Variants in STX3 observed in about 807,000 individuals in gnomAD.
The protein encoded by STX3 is syntaxin-3.
Under a neutral mutation model 40.2 loss-of-function variants are expected in STX3, and 19 were observed. The observed-to-expected ratio is 0.47, with a 90% confidence interval of 0.33 to 0.69. The LOEUF (loss-of-function observed/expected upper bound fraction) is 0.69. Among genes scored for constraint, STX3 ranks in the 30% least tolerant of loss-of-function variants. STX3 has a pLI of 0.02. For synonymous variants in STX3, 122 were observed against 132.2 expected, an observed-to-expected ratio of 0.92 and a Z score of 0.53; for missense variants, 364 against 366.7, an observed-to-expected ratio of 0.99 and a Z score of 0.06.
chr11:59,763,462 T>G (rs1863138257), intron 1 of STX3, among the ~76,000 whole-genome samples: 1 of 152,200 alleles, frequency 6.6e-6, no homozygotes, highest in East Asian at 1.9e-4. Flanking sequence ...TGGACTTCAA[T>G]GATTTTTGTA....
At chr11:59,755,744 C>T in intron 1 of STX3, 109 bp downstream of exon 1, 6 of 1,385,388 alleles carry the variant, frequency 4.3e-6, no homozygotes, top group South Asian at 2.9e-5. Context: ...CGGAGGCTTG[C>T]CCTCCCCAAG....
intron 4 of STX3, among the ~76,000 whole-genome samples, chr11:59,789,824 C>T (rs2927187): frequency 6.6e-6 from 1 of 152,072 alleles, no homozygotes; most frequent in Non-Finnish European, 1.5e-5. Context: ...TCTTGGTGGG[C>T]TAGGCATACC....
At chr11:59,762,479 CA>C (rs1863085670) in intron 1 of STX3, among the ~76,000 whole-genome samples, 1 of 152,252 alleles carries the variant, frequency 6.6e-6, no homozygotes, top group Non-Finnish European at 1.5e-5. Context: ...GAAGGATCCT[CA>C]CTCAGCACAT....
rs973472551 is a variant in STX3 at position 59,801,361 on chromosome 11, A to G, written c.*537A>G. On this transcript the variant is annotated 3_prime_UTR_variant, in exon 11 of 11. Transcript: ENST00000337979. ...TCCGTATGTCCTGAAAACATGAGGG[A>G]CTGGCAGATGTCATTTTGGTCTAAA... The G allele has an allele frequency of 9.1e-6, 9 of 988,918 alleles. No individual in the cohort carries two copies. Among genetic ancestry groups the G allele is most frequent in the African/African-American group, 1.7e-5 (1 of 57,420 alleles). The allele number at this position is 988,918 out of a possible 1,614,324, so 61.3% of individuals were successfully genotyped here. A position where few individuals can be genotyped will look rare whatever the true frequency, so the allele number is the denominator to read the frequency against.
At chr11:59,780,714 G>A (rs528525) in intron 2 of STX3, among the ~76,000 whole-genome samples, 3 of 151,934 alleles carry the variant, frequency 2.0e-5, no homozygotes, top group Non-Finnish European at 4.4e-5. Flanking sequence ...CTTCTCTTTC[G>A]CTCTGACCTG....
chr11:59,756,593 C>T (rs1777441057), intron 1 of STX3, among the ~76,000 whole-genome samples: 1 of 152,108 alleles, frequency 6.6e-6, no homozygotes, highest in South Asian at 2.1e-4. Flanking sequence ...AGTCTAGCCC[C>T]GCAGAATCAG....
rs369185553 is a variant in STX3, at chr11:59,793,525, G to A, written c.675+11G>A. On this transcript the variant is annotated intron_variant, in intron 8 of 10. Transcript: ENST00000337979. ...CTGGTGGAGAATCAGGTAAGTGGCA[G>A]TGAGTCCCAGCGTGGGGAGGGAGGA... The A allele has an allele frequency of 1.9e-6, 3 of 1,610,840 alleles. No individual in the cohort carries two copies. Among genetic ancestry groups the A allele is most frequent in the Non-Finnish European group, 8.5e-7 (1 of 1,177,822 alleles).
At chr11:59,780,321 T>A (rs1209700290) in intron 2 of STX3, among the ~76,000 whole-genome samples, 1 of 152,164 alleles carries the variant, frequency 6.6e-6, no homozygotes, top group South Asian at 2.1e-4. Flanking sequence ...GATCTCTCTC[T>A]CAGCCATGTG....
chr11:59,778,005 G>C (rs1864086972), intron 2 of STX3, among the ~76,000 whole-genome samples: 1 of 152,176 alleles, frequency 6.6e-6, no homozygotes, highest in African/African-American at 2.4e-5. Flanking sequence ...CTGTCAGTCA[G>C]AGCACCTACA....
chr11:59,775,643 T>C (rs949242438), intron 2 of STX3, among the ~76,000 whole-genome samples: 1 of 152,168 alleles, frequency 6.6e-6, no homozygotes, highest in African/African-American at 2.4e-5. Context: ...AATGTCCTGC[T>C]CTGGAAATTG....
chr11:59,759,157 A>G (rs1862894525), intron 1 of STX3, among the ~76,000 whole-genome samples: 1 of 152,200 alleles, frequency 6.6e-6, no homozygotes. Flanking sequence ...TACGTACCAG[A>G]TAAGTAAAGA....
At chr11:59,786,566 T>C (rs1864790807) in intron 2 of STX3, among the ~76,000 whole-genome samples, 3 of 152,020 alleles carry the variant, frequency 2.0e-5, no homozygotes, top group Admixed American at 2.0e-4. Context: ...TTTCTGTCTT[T>C]CTCTTCCTCT....
chr11:59,790,260 G>A (rs746530871), intron 4 of STX3, among the ~76,000 whole-genome samples: 5 of 152,214 alleles, frequency 3.3e-5, no homozygotes, highest in African/African-American at 7.2e-5. Context: ...CACCCAGTAA[G>A]TGCCAGGGCA....
intron 2 of STX3, among the ~76,000 whole-genome samples, chr11:59,786,674 G>C (rs1339348346): frequency 6.7e-6 from 1 of 149,418 alleles, no homozygotes; most frequent in Non-Finnish European, 1.5e-5. Flanking sequence ...ACTCTTTTCT[G>C]TTCTCACTTT....
In STX3 at chr11:59,791,971, C is replaced by CAA. The variant is rs1234801974; in HGVS notation, c.358-131_358-130dup. ...CTCCCAGTGGCACAAAGCTAGGAAA[C>CAA]AAAAAACTTGGTTTGACACCTGGTT... On this transcript the variant is annotated intron_variant, in intron 5 of 10. Coordinates refer to ENST00000337979, the MANE Select transcript of STX3 (RefSeq NM_004177.5). The CAA allele has an allele frequency of 4.1e-6, 3 of 736,600 alleles. No homozygotes were observed. The African/African-American group carries it at 5.3e-5, about 13-fold the overall frequency. The allele number at this position is 736,600 out of a possible 1,614,324, so 45.6% of individuals were successfully genotyped here. A position where few individuals can be genotyped will look rare whatever the true frequency, so the allele number is the denominator to read the frequency against.
At chr11:59,787,221 C>A in intron 3 of STX3, 85 bp downstream of exon 3, 1 of 1,207,988 alleles carries the variant, frequency 8.3e-7, no homozygotes, top group Non-Finnish European at 1.2e-6. Flanking sequence ...CCTTCGTGAG[C>A]AGTAGGGAAG....
intron 8 of STX3, among the ~76,000 whole-genome samples, 154 bp downstream of exon 8, chr11:59,793,668 T>C (rs533671299): frequency 1.6e-3 from 244 of 152,278 alleles, no homozygotes; most frequent in Non-Finnish European, 2.9e-3. Context: ...CATGGGAAAG[T>C]GTGCATTCAA....
rs553127183 is a variant in STX3, at chr11:59,801,990, T to C, written c.*1166T>C. The C allele has an allele frequency of 2.0e-6, 2 of 985,430 alleles. No homozygotes were observed. Among genetic ancestry groups the C allele is most frequent in the Admixed American group, 6.1e-5 (1 of 16,292 alleles). The allele number at this position is 985,430 out of a possible 1,614,324, so 61.0% of individuals were successfully genotyped here. On this transcript the variant is annotated 3_prime_UTR_variant, in exon 11 of 11. Transcript: ENST00000337979. The stretch of plus-strand genomic sequence containing the variant: ...AGAACTCTGGAGTGAGCTAAATTGA[T>C]CCCAATTAAGTTTTTCTGCTTAGCA...
rs1460240793 is a variant in STX3, at chr11:59,773,300, C to T, written c.114+6C>T. 1.9e-6 allele frequency: 3 copies of T among 1,613,554 alleles called. No homozygotes were observed. The Admixed American group carries it at 5.0e-5, about 27-fold the overall frequency. ...TGGACGAGTTCTTTTCTGAGGTAGG[C>T]AACCTTCCTGTATTTTTTTCTAAAT... On this transcript the variant is annotated splice_donor_region_variant and intron_variant, in intron 2 of 10. Transcript: ENST00000337979.
Sources: gnomAD v4.1 joint callset for allele counts (sites outside exome capture counted in the v4.1 genomes callset) on GRCh38, gnomAD v4.1.1 for gene constraint, MANE v1.5 for transcripts, NCBI Gene and HGNC (gene_info 2026-07-23, HGNC 2026-07-21) for gene names.